Variants in JAG1 observed in about 807,000 individuals in gnomAD.
JAG1 encodes protein jagged-1.
In JAG1, 23 loss-of-function variants were observed where a neutral mutation model predicts 148.7. The observed-to-expected ratio is 0.15, with a 90% CI of 0.11 to 0.22. The LOEUF (loss-of-function observed/expected upper bound fraction) is 0.22, where lower values mean the gene tolerates loss of function less well. Among genes scored for constraint, JAG1 ranks in the 10% least tolerant of loss-of-function variants. The pLI is 1.00. For synonymous variants in JAG1, 572 were observed against 598.3 expected, an observed-to-expected ratio of 0.96 and a Z score of 0.64; for missense variants, 1,054 against 1,611.2, an observed-to-expected ratio of 0.65 and a Z score of 5.92.
chr20:10,664,148 A>G (rs996717250), intron 2 of JAG1, 134 bp from the exon 3 acceptor site: 4 of 756,550 alleles, frequency 5.3e-6, no homozygotes, highest in Non-Finnish European at 9.5e-6. Context: ...TGGTTGTTGC[A>G]TTGAGTTCCT....
chr20:10,639,491 C>T lies in JAG1; in HGVS notation c.*7G>A, dbSNP rs879800923. The T allele has an allele frequency of 3.2e-5, 51 of 1,613,130 alleles. No homozygotes were observed. Among genetic ancestry groups the T allele is most frequent in the South Asian group, 5.5e-5 (5 of 91,070 alleles). ...CTCTACCTAGCGGCGGCAGTGCCCG[C>T]GGTCTGCTATACGATGTACTCCATT... On this transcript the variant is annotated 3_prime_UTR_variant, in exon 26 of 26. Transcript: ENST00000254958.
chr20:10,658,451 C>CAA lies in JAG1; in HGVS notation c.694+16_694+17insTT, dbSNP rs1491185199. 6.5e-7 allele frequency: 1 copy of CAA among 1,543,194 alleles called. No individual in the cohort carries two copies. The highest frequency in any genetic ancestry group is 2.3e-5 in the East Asian group (1 of 43,060). On this transcript the variant is annotated intron_variant, in intron 4 of 25. Coordinates refer to ENST00000254958, the MANE Select transcript of JAG1 (RefSeq NM_000214.3). The stretch of plus-strand genomic sequence containing the variant: ...AAAGCAACAGGCACACGTGCACATG[C>CAA]ACACACACACACATACCTCTGTTAC...
chr20:10,644,809 T>C, intron 18 of JAG1, 54 bp downstream of exon 18: 1 of 1,227,790 alleles, frequency 8.1e-7, no homozygotes, highest in Non-Finnish European at 1.2e-6. Flanking sequence ...TCCCCAAGGG[T>C]GTCAGGATCT....
Position 10,652,181 on chromosome 20 carries a change from T to C in JAG1, c.956A>G (p.Lys319Arg). The C allele has an allele frequency of 6.2e-7, 1 of 1,614,080 alleles. No individual in the cohort carries two copies. The highest frequency in any genetic ancestry group is 1.1e-5 in the South Asian group (1 of 91,080). ...GGTCSNTGPD[K>R]YQCSCPEGYS... The stretch of plus-strand genomic sequence containing the variant: ...CCCCTCAGGGCAGGAACACTGATAT[T>C]TGTCAGGGCCTGTGTTGCTACAAGT... The change falls in exon 7 of 26, where the codon AAA becomes AGA. Residue 319 changes from lysine to arginine, a missense_variant. Lys to Arg is a conservative substitution (Grantham distance 26). Coordinates refer to ENST00000254958, the MANE Select transcript of JAG1 (RefSeq NM_000214.3).
At chr20:10,648,859 T>C (rs1041742719) in intron 11 of JAG1, 137 bp from the exon 12 acceptor site, 12 of 981,908 alleles carry the variant, frequency 1.2e-5, no homozygotes, top group African/African-American at 6.5e-5. Flanking sequence ...CCTCTGAAAG[T>C]GGTTAGAGGA....
At chr20:10,655,569 G>A (rs903198658) in intron 5 of JAG1, among the ~76,000 whole-genome samples, 1 of 152,194 alleles carries the variant, frequency 6.6e-6, no homozygotes, top group African/African-American at 2.4e-5. Flanking sequence ...TTTAGACTAT[G>A]TTTCATAAGA....
At chr20:10,660,628 T>G (rs912639542) in intron 3 of JAG1, among the ~76,000 whole-genome samples, 6 of 152,164 alleles carry the variant, frequency 3.9e-5, no homozygotes, top group Admixed American at 1.3e-4. Context: ...CCGGGAAGTG[T>G]CGTGCAGAGG....
chr20:10,642,860 C>A (rs2067282643), intron 20 of JAG1, among the ~76,000 whole-genome samples: 1 of 152,208 alleles, frequency 6.6e-6, no homozygotes, highest in South Asian at 2.1e-4. Context: ...ATTCCTTTGA[C>A]AGTGCAATTT....
rs1233839409 is a variant in JAG1, at chr20:10,639,132, A to G, written c.*366T>C. On this transcript the variant is annotated 3_prime_UTR_variant, in exon 26 of 26. Transcript: ENST00000254958. ...AACCAATATACAAAAACAACTCAAG[A>G]GTCAATAAATATAAATAAAACTATG... 3.5e-6 allele frequency: 1 copy of G among 286,044 alleles called. No individual in the cohort carries two copies. Among genetic ancestry groups the G allele is most frequent in the African/African-American group, 2.1e-5 (1 of 46,722 alleles). The allele number at this position is 286,044 out of a possible 1,614,324, so 17.7% of individuals were successfully genotyped here.
At chr20:10,659,057 C>T (rs1972717487) in intron 3 of JAG1, among the ~76,000 whole-genome samples, 1 of 152,186 alleles carries the variant, frequency 6.6e-6, no homozygotes, top group African/African-American at 2.4e-5. Flanking sequence ...GTATGGTTCC[C>T]ACAATGAGAT....
intron 11 of JAG1, 146 bp from the exon 12 acceptor site, chr20:10,648,868 G>A: frequency 1.1e-6 from 1 of 936,206 alleles, no homozygotes; most frequent in Admixed American, 2.0e-5. Flanking sequence ...GTGGTTAGAG[G>A]AATTTCTATG....
chr20:10,641,032 G>A, intron 24 of JAG1, 81 bp downstream of exon 24: 1 of 1,610,994 alleles, frequency 6.2e-7, no homozygotes, highest in Non-Finnish European at 8.5e-7. Flanking sequence ...CTTTTTGTCA[G>A]TGAATTTGCT....
At chr20:10,665,490 G>A (rs1010161709) in intron 2 of JAG1, among the ~76,000 whole-genome samples, 8 of 152,148 alleles carry the variant, frequency 5.3e-5, no homozygotes, top group South Asian at 2.1e-4. Flanking sequence ...TTTTATTAGC[G>A]AAAGTTATAC....
chr20:10,640,677 C>T (rs973887695), intron 25 of JAG1, 106 bp downstream of exon 25: 31 of 1,218,978 alleles, frequency 2.5e-5, no homozygotes, highest in Non-Finnish European at 2.8e-5. Context: ...GGAGCTCCTG[C>T]GAGGGTAGGG....
At chr20:10,657,951 A>C (rs1176869055) in intron 4 of JAG1, among the ~76,000 whole-genome samples, 1 of 152,208 alleles carries the variant, frequency 6.6e-6, no homozygotes, top group African/African-American at 2.4e-5. Context: ...ATTTTGGGTC[A>C]AGTTCCTTAG....
rs1163548875 is a variant in JAG1, at chr20:10,651,713, C to A, written c.1007-19G>T. 1.3e-6 allele frequency: 2 copies of A among 1,537,496 alleles called. No homozygotes were observed. The highest frequency in any genetic ancestry group is 1.8e-6 in the Non-Finnish European group (2 of 1,112,334). On this transcript the variant is annotated intron_variant, in intron 7 of 25. Transcript: ENST00000254958. ...TGCTCAGCTGCAAAAACCAGGATGG[C>A]AGTCAGAGAGGGATGCCTGCACACC...
intron 24 of JAG1, 59 bp downstream of exon 24, chr20:10,641,054 C>T: frequency 6.2e-7 from 1 of 1,613,302 alleles, no homozygotes; most frequent in Non-Finnish European, 8.5e-7. Flanking sequence ...CATTCAGACA[C>T]TGGTTAACCG....
chr20:10,661,153 G>A (rs149318533), intron 3 of JAG1, among the ~76,000 whole-genome samples: 1 of 152,318 alleles, frequency 6.6e-6, no homozygotes, highest in African/African-American at 2.4e-5. Flanking sequence ...GAGGACCGAT[G>A]ACAGAAGGAC....
At chr20:10,664,971 C>T (rs1338631576) in intron 2 of JAG1, among the ~76,000 whole-genome samples, 1 of 152,154 alleles carries the variant, frequency 6.6e-6, no homozygotes, top group Non-Finnish European at 1.5e-5. Context: ...AAAACACCAG[C>T]GTTTAAATGA....
Sources: allele counts gnomAD v4.1 joint callset (sites outside exome capture counted in the v4.1 genomes callset), GRCh38; gene constraint gnomAD v4.1.1; transcripts MANE v1.5; gene names NCBI Gene and HGNC (gene_info 2026-07-23, HGNC 2026-07-21).